Variants in GLRA2 observed in about 807,000 individuals in gnomAD.
The protein encoded by GLRA2 is glycine receptor subunit alpha-2.
Under a neutral mutation model 31.6 loss-of-function variants are expected in GLRA2, and 11 were observed. That is an observed-to-expected ratio of 0.35 (90% CI 0.22 to 0.58). The LOEUF is 0.58. Among genes scored for constraint, GLRA2 ranks in the 20% least tolerant of loss-of-function variants. The pLI is 0.84. For synonymous variants in GLRA2, 132 were observed against 134.0 expected, an observed-to-expected ratio of 0.99 and a Z score of 0.10; for missense variants, 212 against 351.8, an observed-to-expected ratio of 0.60 and a Z score of 3.18.
intron 4 of GLRA2, among the ~76,000 whole-genome samples, chrX:14,595,779 G>A (rs752752808): frequency 8.9e-6 from 1 of 111,797 alleles, no homozygotes; most frequent in Admixed American, 9.5e-5. Context: ...TTCTGTTCAC[G>A]TGTGTCTGAT....
At chrX:14,524,613 G>GT (rs748577279), upstream of GLRA2, among the ~76,000 whole-genome samples, 2 of 111,509 alleles carry the variant, frequency 1.8e-5, no homozygotes, top group South Asian at 7.5e-4. Flanking sequence ...TGAGGAGGAC[G>GT]TTTTTTCTGT....
chrX:14,655,897 C>T (rs2090935037), intron 7 of GLRA2, among the ~76,000 whole-genome samples: 2 of 111,708 alleles, frequency 1.8e-5, no homozygotes, highest in South Asian at 7.5e-4. Flanking sequence ...GCTCTCTGTA[C>T]TTATTTCATA....
At chrX:14,684,924 C>A (rs774365669) in intron 7 of GLRA2, among the ~76,000 whole-genome samples, 2 of 110,721 alleles carry the variant, frequency 1.8e-5, no homozygotes, top group African/African-American at 6.6e-5. Flanking sequence ...CCAGTTTTTG[C>A]CCATTCAGTA....
chrX:14,730,941 CACACACACA>C lies in GLRA2; in HGVS notation c.*458_*466del, dbSNP rs2091987325. The C allele has an allele frequency of 1.3e-5, 1 of 78,053 alleles. No homozygotes were observed. The highest frequency in any genetic ancestry group is 2.6e-5 in the Non-Finnish European group (1 of 39,194). 6.4% of individuals were successfully genotyped at this position (78,053 alleles called of 1,213,427 possible). ...ACACACACACACACACACACACACA[CACACACACA>C]AACTTCAAAAATGCTTAACCATCTG... On this transcript the variant is annotated 3_prime_UTR_variant, in exon 9 of 9. Coordinates refer to ENST00000218075, the MANE Select transcript of GLRA2 (RefSeq NM_002063.4).
chrX:14,628,135 G>T (rs980832554), intron 7 of GLRA2, among the ~76,000 whole-genome samples: 1 of 111,066 alleles, frequency 9.0e-6, no homozygotes, highest in Non-Finnish European at 1.9e-5. Context: ...GGCATATTGG[G>T]GATTGCTTGT....
chrX:14,493,981 G>A, the GLRA2 span, among the ~76,000 whole-genome samples: 2 of 109,996 alleles, frequency 1.8e-5, no homozygotes, highest in African/African-American at 3.3e-5. Flanking sequence ...ATTTTCATAC[G>A]ATGTAACATA....
chrX:14,621,634 A>C (rs1434255057), intron 7 of GLRA2, among the ~76,000 whole-genome samples: 1 of 110,571 alleles, frequency 9.0e-6, no homozygotes, highest in Non-Finnish European at 1.9e-5. Context: ...TTTCCTTATG[A>C]TACTTTGCTC....
At chrX:14,705,200 A>G (rs1445556183) in intron 8 of GLRA2, among the ~76,000 whole-genome samples, 1 of 112,255 alleles carries the variant, frequency 8.9e-6, no homozygotes, top group East Asian at 2.8e-4. Flanking sequence ...GCTGATACAC[A>G]TTTACATCAG....
chrX:14,482,629 AATATT>A, the GLRA2 span, among the ~76,000 whole-genome samples: 1 of 111,437 alleles, frequency 9.0e-6, no homozygotes, highest in Admixed American at 9.6e-5. Flanking sequence ...TCTAATTACC[AATATT>A]ATATTCATAA....
chrX:14,689,799 G>C (rs1198910491), intron 7 of GLRA2, among the ~76,000 whole-genome samples: 1 of 112,040 alleles, frequency 8.9e-6, no homozygotes, highest in African/African-American at 3.2e-5. Context: ...ATATTTTATA[G>C]CTTCCTCCAA....
chrX:14,703,392 CCTT>C (rs968050477), intron 8 of GLRA2, among the ~76,000 whole-genome samples: 3 of 111,417 alleles, frequency 2.7e-5, no homozygotes, highest in African/African-American at 9.8e-5. Context: ...TTTCTCTGAC[CCTT>C]CTTCCATTGC....
At chrX:14,448,982 A>C in the GLRA2 span, among the ~76,000 whole-genome samples, 2 of 110,824 alleles carry the variant, frequency 1.8e-5, no homozygotes, top group Non-Finnish European at 3.8e-5. Context: ...ACTACATTTC[A>C]CCTGCCTACC....
chrX:14,643,128 C>T (rs931417901), intron 7 of GLRA2, among the ~76,000 whole-genome samples: 2 of 111,715 alleles, frequency 1.8e-5, no homozygotes, highest in Admixed American at 9.6e-5. Flanking sequence ...ATCAGGGAAA[C>T]AGGTATGTTA....
rs996664708 is a variant in GLRA2, at chrX:14,529,860, G to A, written c.-198G>A. ...GGTTAACTGATGGTCCCAAGCCTCG[G>A]TTTGACCTGACCATGATGCCCAGGA... On this transcript the variant is annotated 5_prime_UTR_variant, in exon 1 of 9. Coordinates refer to ENST00000218075, the MANE Select transcript of GLRA2 (RefSeq NM_002063.4). 2.3e-6 allele frequency: 1 copy of A among 441,046 alleles called. No individual in the cohort carries two copies. Among genetic ancestry groups the A allele is most frequent in the African/African-American group, 2.5e-5 (1 of 40,376 alleles). The allele number at this position is 441,046 out of a possible 1,213,427, so 36.3% of individuals were successfully genotyped here.
At chrX:14,650,484 C>T (rs1181912112) in intron 7 of GLRA2, among the ~76,000 whole-genome samples, 2 of 110,700 alleles carry the variant, frequency 1.8e-5, no homozygotes, top group Non-Finnish European at 3.8e-5. Context: ...TTCCCTGTAC[C>T]TTTCACTTTC....
intron 7 of GLRA2, among the ~76,000 whole-genome samples, chrX:14,635,328 A>C (rs868619809): frequency 6.2e-5 from 7 of 112,294 alleles, no homozygotes; most frequent in Non-Finnish European, 1.1e-4. Context: ...TTTGAATTGC[A>C]ATGAGAGTAA....
the GLRA2 span, among the ~76,000 whole-genome samples, chrX:14,503,891 G>A: frequency 2.7e-5 from 3 of 111,878 alleles, no homozygotes; most frequent in Non-Finnish European, 5.6e-5. Context: ...TGAATGTCAT[G>A]TGTATCCAGA....
chrX:14,662,444 A>C (rs931408514), intron 7 of GLRA2, among the ~76,000 whole-genome samples: 2 of 112,004 alleles, frequency 1.8e-5, no homozygotes, highest in Non-Finnish European at 3.8e-5. Context: ...TTCTTAAGCT[A>C]ACTCATTTTT....
At chrX:14,518,943 C>T in the GLRA2 span, among the ~76,000 whole-genome samples, 5 of 93,899 alleles carry the variant, frequency 5.3e-5, no homozygotes, top group African/African-American at 2.0e-4. Flanking sequence ...ACCCAGGAGG[C>T]GGAGCTTGAA....
Sources: allele counts gnomAD v4.1 joint callset (sites outside exome capture counted in the v4.1 genomes callset), GRCh38; gene constraint gnomAD v4.1.1; transcripts MANE v1.5; gene names NCBI Gene and HGNC (gene_info 2026-07-23, HGNC 2026-07-21).